The following RPL29 variants were observed in gnomAD, a reference collection of about 807,000 sequenced individuals.
RPL29 encodes large ribosomal subunit protein eL29.
Under a neutral mutation model 7.2 loss-of-function variants are expected in RPL29, and 4 were observed. That is an observed-to-expected ratio of 0.55 (90% CI 0.27 to 1.26). The LOEUF (loss-of-function observed/expected upper bound fraction) is 1.26. Among genes scored for constraint, RPL29 ranks in the 50% most tolerant of loss-of-function variants. The pLI is 0.11. For missense variants in RPL29, 148 were observed against 209.1 expected, an observed-to-expected ratio of 0.71 and a Z score of 1.80; for synonymous variants, 73 against 72.8, an observed-to-expected ratio of 1.00 and a Z score of -0.01.
In RPL29 at chr3:51,993,646, T is replaced by A; in HGVS notation, c.*103A>T. The A allele has an allele frequency of 8.2e-7, 1 of 1,212,644 alleles. No homozygotes were observed. Among genetic ancestry groups the A allele is most frequent in the Non-Finnish European group, 1.1e-6 (1 of 873,124 alleles). The allele number at this position is 1,212,644 out of a possible 1,614,324, so 75.1% of individuals were successfully genotyped here. On this transcript the variant is annotated 3_prime_UTR_variant, in exon 4 of 4. Transcript: ENST00000294189. ...TAACAAATCCTGCCTCAGGTTTATT[T>A]GTACAAATAGCACAGGAGGACCCCA... is the stretch of plus-strand genomic sequence containing the variant.
rs1046507671 is a variant in RPL29, at chr3:51,993,752, C to A, written c.477G>T (p.Glu159Asp). 3.8e-6 allele frequency: 6 copies of A among 1,589,212 alleles called. No individual in the cohort carries two copies. The highest frequency in any genetic ancestry group is 1.3e-5 in the African/African-American group (1 of 74,642). ...GTCCTCATGTTGGCAGAGATATCTA[C>A]TCTGAAGCCTTTGTAGGGGCCTGGG... is the stretch of plus-strand genomic sequence containing the variant. ...KRTQAPTKAS[E>D] Residue 159 changes from glutamate to aspartate, a missense_variant, in exon 4 of 4, where the codon GAG becomes GAT. Coordinates refer to ENST00000294189, the MANE Select transcript of RPL29 (RefSeq NM_000992.3).
chr3:51,995,157 A>G, intron 2 of RPL29, 51 bp from the exon 3 acceptor site: 1 of 1,490,946 alleles, frequency 6.7e-7, no homozygotes, highest in Non-Finnish European at 9.3e-7. Flanking sequence ...TCCTCTAATA[A>G]GACCACCCAA....
chr3:51,994,838 C>G, intron 3 of RPL29: 1 of 718,760 alleles, frequency 1.4e-6, no homozygotes, highest in Non-Finnish European at 2.5e-6. Context: ...TACACCCTGA[C>G]CAGAGGGTTA....
At chr3:51,994,334 T>G in intron 3 of RPL29, 1 of 574,656 alleles carries the variant, frequency 1.7e-6, no homozygotes. Flanking sequence ...TGTGCAGACC[T>G]CCTTCAAGAA....
chr3:51,994,632 A>T (rs541269727), intron 3 of RPL29: 130 of 537,188 alleles, frequency 2.4e-4, no homozygotes, highest in Non-Finnish European at 3.8e-4. Flanking sequence ...TAGACCCTCC[A>T]GCCTTCTCAG....
At chr3:51,995,138 AAAGAAC>A in intron 2 of RPL29, 32 bp from the exon 3 acceptor site, 1 of 1,584,544 alleles carries the variant, frequency 6.3e-7, no homozygotes, top group Non-Finnish European at 8.6e-7. Context: ...TTAAGCCAAC[AAAGAAC>A]TTTCCTCTAA....
chr3:51,994,959 A>T, intron 3 of RPL29, 83 bp downstream of exon 3: 1 of 1,257,266 alleles, frequency 8.0e-7, no homozygotes, highest in Non-Finnish European at 1.2e-6. Context: ...CAGAAGCCAA[A>T]GCTAGAGAAA....
At position 51,994,996 on chromosome 3, in the gene RPL29, A is replaced by T. The variant is rs2106853589; in HGVS notation, c.102+46T>A. ...ACTACATGAGAGGCCTTGACTGTGC[A>T]CCTGGAACCAAGAAAAGACACTTCC... On this transcript the variant is annotated intron_variant, in intron 3 of 3. Coordinates refer to ENST00000294189, the MANE Select transcript of RPL29 (RefSeq NM_000992.3). 3 of 1,533,930 alleles carry T rather than the reference A, an allele frequency of 2.0e-6. No homozygotes were observed. In the East Asian group the frequency reaches 6.7e-5, roughly 34 times the overall value.
At position 51,993,705 on chromosome 3, in the gene RPL29, G is replaced by A. The variant is rs751707498; in HGVS notation, c.*44C>T. The A allele has an allele frequency of 8.5e-6, 13 of 1,520,490 alleles. No homozygotes were observed. The highest frequency in any genetic ancestry group is 7.9e-5 in the Admixed American group (4 of 50,712). The allele number at this position is 1,520,490 out of a possible 1,614,324, so 94.2% of individuals were successfully genotyped here. On this transcript the variant is annotated 3_prime_UTR_variant, in exon 4 of 4. Coordinates refer to ENST00000294189, the MANE Select transcript of RPL29 (RefSeq NM_000992.3). ...CAGATGGTAGCCCAGGGGCGGGGGT[G>A]GGGGGTCGCACCAGTCCTTCTGTCC...
intron 3 of RPL29, 198 bp downstream of exon 3, chr3:51,994,844 G>A (rs1701294153): frequency 1.4e-6 from 1 of 724,458 alleles, no homozygotes; most frequent in African/African-American, 1.7e-5. Flanking sequence ...CTGACCAGAG[G>A]GTTACACTTC....
chr3:51,993,922 T>C lies in RPL29; in HGVS notation c.307A>G (p.Lys103Glu), dbSNP rs1559784896. The part of the protein sequence containing the change: ...LDRLAYIAHP[K>E]LGKRARARIA... ...CGGGCACGAGCACGCTTCCCAAGCT[T>C]GGGGTGGGCAATGTAGGCAAGTCGA... is the stretch of plus-strand genomic sequence containing the variant. The change falls in exon 4 of 4, where the codon AAG (lysine) becomes GAG (glutamate). Residue 103 changes from lysine to glutamate, a missense_variant. Transcript: ENST00000294189. The C allele has an allele frequency of 1.9e-6, 3 of 1,596,522 alleles. No homozygotes were observed. The highest frequency in any genetic ancestry group is 1.3e-5 in the African/African-American group (1 of 74,990).
At position 51,993,909 on chromosome 3, in the gene RPL29, C is replaced by T. The variant is rs772176036; in HGVS notation, c.320G>A (p.Arg107His). 8.1e-6 allele frequency: 13 copies of T among 1,596,374 alleles called. No individual in the cohort carries two copies. The highest frequency in any genetic ancestry group is 2.2e-5 in the South Asian group (2 of 90,998). ...AYIAHPKLGK[R>H]ARARIAKGLR... is the part of the protein sequence containing the mutation. The stretch of plus-strand genomic sequence containing the variant: ...CCCCTTGGCAATACGGGCACGAGCA[C>T]GCTTCCCAAGCTTGGGGTGGGCAAT... Residue 107 changes from arginine to histidine, a missense_variant, in exon 4 of 4, where the codon CGT becomes CAT. Coordinates refer to ENST00000294189, the MANE Select transcript of RPL29 (RefSeq NM_000992.3).
chr3:51,994,477 C>A, intron 3 of RPL29: 1 of 329,262 alleles, frequency 3.0e-6, no homozygotes, highest in Non-Finnish European at 5.6e-6. Context: ...AAGAAGGTGT[C>A]AATTAAATAC....
Position 51,995,472 on chromosome 3 carries a change from G to A in RPL29, c.-8-3C>T, listed in dbSNP as rs371570896. On this transcript the variant is annotated splice_region_variant and splice_polypyrimidine_tract_variant and intron_variant, in intron 1 of 3. Transcript: ENST00000294189. ...CTTGGACTTGGCCATGTCTGCACCTGGAAGACAAAAGTGGAGATCAGGGTT... is the reference window on the plus strand; with the variant it reads ...CTTGGACTTGGCCATGTCTGCACCTAGAAGACAAAAGTGGAGATCAGGGTT... 204 of 1,613,800 alleles carry A rather than the reference G, an allele frequency of 1.3e-4. No individual in the cohort carries two copies. The highest frequency in any genetic ancestry group is 2.3e-4 in the Admixed American group (14 of 60,004).
chr3:51,995,837 G>A lies in RPL29; in HGVS notation c.-9+20C>T. 1 of 300,778 alleles carries A rather than the reference G, an allele frequency of 3.3e-6. No homozygotes were observed. Among genetic ancestry groups the A allele is most frequent in the Non-Finnish European group, 6.4e-6 (1 of 156,352 alleles). 18.6% of individuals were successfully genotyped at this position (300,778 alleles called of 1,614,324 possible). A position where few individuals can be genotyped will look rare whatever the true frequency, so the allele number is the denominator to read the frequency against. On this transcript the variant is annotated intron_variant, in intron 1 of 3. Transcript: ENST00000294189. ...CCGTAAGTCGCGGATGGCATCGGATGCCGCGCGGCCAACACTCACCATAAG... is the reference window on the plus strand; with the variant it reads ...CCGTAAGTCGCGGATGGCATCGGATACCGCGCGGCCAACACTCACCATAAG...
Position 51,993,787 on chromosome 3 carries a change from G to A in RPL29, c.442C>T (p.Pro148Ser). The part of the protein sequence containing the change: ...AAPASVPAQA[P>S]KRTQAPTKAS... ...TTTGTAGGGGCCTGGGTACGTTTGG[G>A]AGCCTGAGCTGGAACTGAAGCTGGG... The change falls in exon 4 of 4, where the codon CCC becomes TCC. Residue 148 changes from proline to serine, a missense_variant. Transcript: ENST00000294189. 1.3e-6 allele frequency: 2 copies of A among 1,596,106 alleles called. No individual in the cohort carries two copies. The highest frequency in any genetic ancestry group is 3.3e-5 in the Admixed American group (2 of 59,978).
chr3:51,995,044 C>G lies in RPL29; in HGVS notation c.100G>C (p.Gly34Arg), dbSNP rs1037816266. Reference sequence around the variant, plus strand: ...TCCATGTGATTCAGTGCACTCACCCCCTTAAGAGATTCGTATCTTTGTGAT... The same window carrying G: ...TCCATGTGATTCAGTGCACTCACCCGCTTAAGAGATTCGTATCTTTGTGAT... Reference protein sequence around the residue: ...PRSQRYESLKGVDPKFLRNMR... With the variant: ...PRSQRYESLKRVDPKFLRNMR... Residue 34 changes from glycine to arginine, a missense_variant and splice_region_variant, in exon 3 of 4, where the codon GGG becomes CGG. Gly to Arg is a moderately radical substitution (Grantham distance 125). Transcript: ENST00000294189. The G allele has an allele frequency of 1.9e-6, 3 of 1,612,726 alleles. No individual in the cohort carries two copies. Among genetic ancestry groups the G allele is most frequent in the Non-Finnish European group, 2.5e-6 (3 of 1,179,112 alleles).
chr3:51,995,358 C>T (rs938589823), intron 2 of RPL29, 67 bp downstream of exon 2: 11 of 1,548,430 alleles, frequency 7.1e-6, no homozygotes, highest in Non-Finnish European at 9.8e-6. Context: ...CCCTTCATCT[C>T]TGTCCCAGTT....
intron 3 of RPL29, chr3:51,994,453 C>A: frequency 2.8e-6 from 1 of 358,900 alleles, no homozygotes; most frequent in South Asian, 4.3e-5. Flanking sequence ...AGGGACACCC[C>A]CTCCCCTCTT....
Sources: allele counts gnomAD v4.1 joint callset, GRCh38; gene constraint gnomAD v4.1.1; transcripts MANE v1.5; gene names NCBI Gene and HGNC (gene_info 2026-07-23, HGNC 2026-07-21).